The following ESR1 variants were observed in gnomAD, a reference collection of about 807,000 sequenced individuals.
ESR1 encodes estrogen receptor.
Under a neutral mutation model 52.7 loss-of-function variants are expected in ESR1, and 12 were observed. The ratio of observed to expected loss-of-function variants is 0.23; its 90% CI spans 0.15 to 0.37. The LOEUF (loss-of-function observed/expected upper bound fraction) is 0.37, where lower values mean the gene tolerates loss of function less well. ESR1 is among the 10% of genes least tolerant of loss of function. The probability of loss-of-function intolerance (pLI) is 1.00; values close to 1 mark genes in which losing one functional copy is unlikely to be tolerated. For synonymous variants in ESR1, 305 were observed against 316.8 expected, an observed-to-expected ratio of 0.96 and a Z score of 0.39; for missense variants, 584 against 779.7, an observed-to-expected ratio of 0.75 and a Z score of 2.99.
chr6:151,836,108 T>C (rs1002477039), intron 1 of ESR1, among the ~76,000 whole-genome samples: 1 of 152,030 alleles, frequency 6.6e-6, no homozygotes, highest in African/African-American at 2.4e-5. Context: ...CAGACACAAA[T>C]GGAAAAACAA....
intron 2 of ESR1, among the ~76,000 whole-genome samples, chr6:151,755,825 T>A (rs530307764): frequency 1.3e-5 from 2 of 152,196 alleles, no homozygotes; most frequent in African/African-American, 4.8e-5. Flanking sequence ...GCGAAGGGGT[T>A]TCGCCATGTT....
At chr6:151,686,559 G>A (rs1001237941), upstream of ESR1, among the ~76,000 whole-genome samples, 14 of 152,300 alleles carry the variant, frequency 9.2e-5, no homozygotes, top group South Asian at 2.1e-4. Flanking sequence ...GTGGCGGCGG[G>A]CACCTGTAGT....
chr6:152,013,449 T>G (rs1485537287), intron 5 of ESR1, among the ~76,000 whole-genome samples: 1 of 152,182 alleles, frequency 6.6e-6, no homozygotes, highest in Non-Finnish European at 1.5e-5. Context: ...ATCTTCTTTT[T>G]TAAAATTTAA....
rs545015228 is a variant in ESR1 at position 151,824,298 on chromosome 6, C to T, written c.452+15934C>T. 3.3e-4 allele frequency among the ~76,000 whole-genome samples: 50 copies of T among 152,264 alleles called. No homozygotes were observed. In the East Asian group the frequency reaches 3.7e-3, roughly 11 times the overall value. Reference sequence around the variant, plus strand: ...TTCAGAAGTGTCTGTTCATATCCTTCGCCCACTTGTTGATGGGGTTGTTGT... The same window carrying T: ...TTCAGAAGTGTCTGTTCATATCCTTTGCCCACTTGTTGATGGGGTTGTTGT... On this transcript the variant is annotated intron_variant, in intron 1 of 7. Coordinates refer to ENST00000206249, the MANE Select transcript of ESR1 (RefSeq NM_000125.4).
At chr6:151,720,187 G>A (rs1447075885) in intron 2 of ESR1, among the ~76,000 whole-genome samples, 1 of 152,028 alleles carries the variant, frequency 6.6e-6, no homozygotes, top group Non-Finnish European at 1.5e-5. Flanking sequence ...CATGTGTCTG[G>A]CAATATGCTG....
rs1455893522 is a variant in ESR1 at position 152,128,215 on chromosome 6, T to C, written c.*2867T>C. On this transcript the variant is annotated 3_prime_UTR_variant, in exon 7 of 7. Coordinates refer to the ESR1 transcript ENST00000427531. ...AGTACCAGCTAGACCATCATAAGCA[T>C]TTGCTTTGAAAGCATGCTTCTAAAG... 2.0e-5 allele frequency: 3 copies of C among 152,214 alleles called. No individual in the cohort carries two copies. The East Asian group carries it at 5.8e-4, about 29-fold the overall frequency. 9.4% of individuals were successfully genotyped at this position (152,214 alleles called of 1,614,324 possible).
chr6:152,011,849 T>C lies in ESR1; in HGVS notation c.1235+55T>C, dbSNP rs9340974. ...GCATGTTCTTTACGATCATAGTTCA[T>C]TCATGAAACTATTTTATTCATCTCT... is the stretch of plus-strand genomic sequence containing the variant. On this transcript the variant is annotated intron_variant, in intron 5 of 7. Transcript: ENST00000206249. 7,488 of 1,577,310 alleles carry C rather than the reference T, an allele frequency of 4.7e-3. 272 individuals carry two copies. The African/African-American group carries it at 0.083, about 17-fold the overall frequency.
intron 2 of ESR1, among the ~76,000 whole-genome samples, chr6:151,845,815 A>G (rs746507497): frequency 1.4e-4 from 21 of 152,176 alleles, no homozygotes; most frequent in Non-Finnish European, 2.6e-4. Flanking sequence ...ACTTTTAGAT[A>G]TAGGGAGGAA....
chr6:151,735,268 T>C (rs1486492597), intron 2 of ESR1, among the ~76,000 whole-genome samples: 2 of 152,188 alleles, frequency 1.3e-5, no homozygotes, highest in African/African-American at 4.8e-5. Flanking sequence ...ATCAGTCCCC[T>C]GTTGTCCTGC....
chr6:151,966,838 GCCT>G (rs1419756864), intron 4 of ESR1, among the ~76,000 whole-genome samples: 1 of 152,158 alleles, frequency 6.6e-6, no homozygotes, highest in Non-Finnish European at 1.5e-5. Flanking sequence ...TTTGTTACTG[GCCT>G]CCTCAAGCCT....
At position 152,033,103 on chromosome 6, in the gene ESR1, A is replaced by G. The variant is rs1196972499; in HGVS notation, c.1235+21309A>G. ...GGCTAGCCATATGTAGAAAGCTGAA[A>G]CTGGATCCCTTCCTTACACCTTATA... On this transcript the variant is annotated intron_variant, in intron 5 of 7. Transcript: ENST00000206249. Among the ~76,000 whole-genome samples the G allele has an allele frequency of 1.6e-4, 24 of 152,268 alleles. No individual in the cohort carries two copies. In the East Asian group the frequency reaches 4.4e-3, roughly 28 times the overall value.
intron 4 of ESR1, among the ~76,000 whole-genome samples, chr6:151,955,700 G>A (rs868212332): frequency 1.3e-5 from 2 of 152,142 alleles, no homozygotes; most frequent in African/African-American, 4.8e-5. Context: ...ATGAACTCCT[G>A]TGTGCTAGGA....
At chr6:151,842,529 T>A (rs2128233731) in intron 1 of ESR1, 68 bp from the exon 2 acceptor site, 1 of 1,321,278 alleles carries the variant, frequency 7.6e-7, no homozygotes, top group Non-Finnish European at 1.1e-6. Flanking sequence ...GTGGATCTGC[T>A]GCATCTCCCA....
chr6:152,044,814 A>G (rs1008099377), intron 5 of ESR1, among the ~76,000 whole-genome samples: 5 of 152,182 alleles, frequency 3.3e-5, no homozygotes, highest in African/African-American at 9.7e-5. Flanking sequence ...ATGGGTCTCT[A>G]TCTTCCAGTC....
At chr6:152,091,541 T>G (rs2050179207) in intron 6 of ESR1, among the ~76,000 whole-genome samples, 1 of 152,190 alleles carries the variant, frequency 6.6e-6, no homozygotes, top group Non-Finnish European at 1.5e-5. Context: ...CTTAGCATAG[T>G]TATGCACACA....
chr6:152,098,610 G>A lies in ESR1; in HGVS notation c.1554-122G>A, dbSNP rs1033660147. 1.1e-5 allele frequency: 9 copies of A among 846,240 alleles called. No individual in the cohort carries two copies. The highest frequency in any genetic ancestry group is 2.8e-4 in the Middle Eastern group (1 of 3,628). 52.4% of individuals were successfully genotyped at this position (846,240 alleles called of 1,614,324 possible). On this transcript the variant is annotated intron_variant, in intron 7 of 7. Transcript: ENST00000206249. The surrounding 1 kb of genome is among the most constrained non-coding windows in gnomAD (Gnocchi z 5.1). ...CCATCCTAAAGTGGGTCTTTAAACAGGAAGAAAGAAAGATTGCTAAGTGTC... is the reference window on the plus strand; with the variant it reads ...CCATCCTAAAGTGGGTCTTTAAACAAGAAGAAAGAAAGATTGCTAAGTGTC...
intron 5 of ESR1, among the ~76,000 whole-genome samples, chr6:152,054,433 T>C (rs2046940849): frequency 6.6e-6 from 1 of 152,148 alleles, no homozygotes; most frequent in Non-Finnish European, 1.5e-5. Flanking sequence ...GATTTCTCTT[T>C]ATCACCACGG....
chr6:151,758,083 A>C (rs1035396915), intron 2 of ESR1, among the ~76,000 whole-genome samples: 2 of 152,180 alleles, frequency 1.3e-5, no homozygotes, highest in Non-Finnish European at 2.9e-5. Context: ...AGGCCATATG[A>C]ATTCTTTGTA....
chr6:151,894,432 T>G (rs1795157480), intron 3 of ESR1, among the ~76,000 whole-genome samples: 1 of 152,214 alleles, frequency 6.6e-6, no homozygotes, highest in Non-Finnish European at 1.5e-5. Context: ...TTGCATTTGC[T>G]TTTGGGTTTT....
Sources: allele counts gnomAD v4.1 joint callset (sites outside exome capture counted in the v4.1 genomes callset), GRCh38; gene constraint gnomAD v4.1.1; non-coding constraint Gnocchi (gnomAD v3.1); transcripts MANE v1.5; gene names NCBI Gene and HGNC (gene_info 2026-07-23, HGNC 2026-07-21).